Variants in MAD1L1 observed in about 807,000 individuals in gnomAD.
MAD1L1 encodes the protein mitotic arrest deficient 1 like 1, also known as mitotic spindle assembly checkpoint protein MAD1.
Under a neutral mutation model 96.9 loss-of-function variants are expected in MAD1L1, and 95 were observed. The observed-to-expected ratio is 0.98, with a 90% CI of 0.83 to 1.16. The LOEUF (loss-of-function observed/expected upper bound fraction) is 1.16, where lower values mean the gene tolerates loss of function less well. Among genes scored for constraint, MAD1L1 ranks in the 50% most tolerant of loss-of-function variants. The pLI is 0.00. For missense variants in MAD1L1, 1,007 were observed against 954.4 expected (o/e 1.06, Z -0.73); for synonymous variants, 473 against 396.6 (o/e 1.19, Z -2.29).
intron 14 of MAD1L1, among the ~76,000 whole-genome samples, chr7:2,000,467 C>G (rs1241868864): frequency 2.0e-5 from 3 of 152,220 alleles, no homozygotes; most frequent in Admixed American, 6.5e-5. Context: ...GTTGGACTAC[C>G]AACCACCGCG....
At chr7:2,051,707 C>T (rs1439597961) in intron 12 of MAD1L1, among the ~76,000 whole-genome samples, 1 of 142,238 alleles carries the variant, frequency 7.0e-6, no homozygotes, top group Non-Finnish European at 1.5e-5. Context: ...CCCAACCCCC[C>T]ACCAGCTGCG....
chr7:1,933,697 C>T (rs1193200259), intron 17 of MAD1L1, among the ~76,000 whole-genome samples: 9 of 152,250 alleles, frequency 5.9e-5, no homozygotes, highest in Non-Finnish European at 1.0e-4. Context: ...TTAAGTATCA[C>T]TGCTCCAAGA....
chr7:1,837,807 C>G (rs1241927310), intron 18 of MAD1L1, among the ~76,000 whole-genome samples: 1 of 152,220 alleles, frequency 6.6e-6, no homozygotes, highest in African/African-American at 2.4e-5. Context: ...GCAAGGCAGG[C>G]TGCACAGGGC....
chr7:2,228,368 C>T (rs958453540), intron 3 of MAD1L1, among the ~76,000 whole-genome samples: 1 of 152,018 alleles, frequency 6.6e-6, no homozygotes, highest in South Asian at 2.1e-4. Flanking sequence ...AAGCGATTCT[C>T]CTGCCTCAGC....
chr7:2,007,998 C>A (rs1782112930), intron 13 of MAD1L1, among the ~76,000 whole-genome samples: 1 of 152,228 alleles, frequency 6.6e-6, no homozygotes, highest in African/African-American at 2.4e-5. Context: ...CGTGAAGTTC[C>A]AAGAAAGCCC....
chr7:1,899,813 G>C (rs1240266320), intron 17 of MAD1L1, among the ~76,000 whole-genome samples: 1 of 152,184 alleles, frequency 6.6e-6, no homozygotes, highest in Admixed American at 6.5e-5. Context: ...AGTTTAAGGT[G>C]GACGATGCAG....
rs555998373 is a variant in MAD1L1, at chr7:1,815,846, G to T, written c.*224C>A. 1.4e-5 allele frequency: 7 copies of T among 508,718 alleles called. No homozygotes were observed. The highest frequency in any genetic ancestry group is 5.8e-5 in the South Asian group (2 of 34,674). The allele number at this position is 508,718 out of a possible 1,614,324, so 31.5% of individuals were successfully genotyped here. A position where few individuals can be genotyped will look rare whatever the true frequency, so the allele number is the denominator to read the frequency against. On this transcript the variant is annotated 3_prime_UTR_variant, in exon 19 of 19. Transcript: ENST00000265854. ...AGGTGAGGAACCCAGGCTGGTGGCC[G>T]ACGCCCACACACCAGGCTCCGGGAC...
chr7:1,906,906 G>A (rs936424867), intron 17 of MAD1L1, among the ~76,000 whole-genome samples: 11 of 152,202 alleles, frequency 7.2e-5, no homozygotes, highest in Non-Finnish European at 1.6e-4. Context: ...CCCCGAACAC[G>A]TGTGCGTCTG....
At chr7:2,205,084 C>CTTTTTTTTTT (rs56101356) in intron 10 of MAD1L1, among the ~76,000 whole-genome samples, 27 of 103,862 alleles carry the variant, frequency 2.6e-4, no homozygotes, top group Non-Finnish European at 3.5e-4. Flanking sequence ...AGGATCTTTT[C>CTTTTTTTTTT]TTTTTTTTTT....
At chr7:1,895,778 C>T (rs772191006) in intron 18 of MAD1L1, among the ~76,000 whole-genome samples, 3 of 152,248 alleles carry the variant, frequency 2.0e-5, no homozygotes, top group Non-Finnish European at 4.4e-5. Context: ...GCTTCTGACC[C>T]AGCACATCCA....
intron 18 of MAD1L1, among the ~76,000 whole-genome samples, chr7:1,819,355 C>A (rs6965428): frequency 1.3e-4 from 20 of 152,098 alleles, no homozygotes; most frequent in Admixed American, 3.9e-4. Context: ...CATAGCGGCC[C>A]TGTGGCTGGC....
chr7:2,146,291 T>A lies in MAD1L1; in HGVS notation c.1073+2861A>T, dbSNP rs574160432. Among the ~76,000 whole-genome samples, 27 of 136,800 alleles carry A rather than the reference T, an allele frequency of 2.0e-4. No individual in the cohort carries two copies. The highest frequency in any genetic ancestry group is 7.9e-4 in the African/African-American group (27 of 34,372). The allele number at this position is 136,800 out of a possible 152,430, so 89.7% of individuals were successfully genotyped here. A position where few individuals can be genotyped will look rare whatever the true frequency, so the allele number is the denominator to read the frequency against. ...TACGAGGAACAGGGTACCACCTCGA[T>A]GAGGGAGCACCGGGCACTGGGCTAC... On this transcript the variant is annotated intron_variant, in intron 11 of 18. Coordinates refer to ENST00000265854, the MANE Select transcript of MAD1L1 (RefSeq NM_001013836.2). The surrounding 1 kb of genome is among the most constrained non-coding windows in gnomAD (Gnocchi z 6.2).
At chr7:1,956,827 C>G (rs1191123234) in intron 16 of MAD1L1, among the ~76,000 whole-genome samples, 2 of 152,238 alleles carry the variant, frequency 1.3e-5, no homozygotes, top group African/African-American at 2.4e-5. Context: ...ATTCAAGCCT[C>G]AACAAGCTCC....
chr7:1,941,473 G>T (rs758509082), intron 16 of MAD1L1, among the ~76,000 whole-genome samples: 3 of 152,244 alleles, frequency 2.0e-5, no homozygotes, highest in Non-Finnish European at 4.4e-5. Context: ...AAACTGAGAA[G>T]TTCTTCTTAA....
intron 18 of MAD1L1, among the ~76,000 whole-genome samples, chr7:1,842,726 C>T (rs1233433591): frequency 6.6e-6 from 1 of 152,254 alleles, no homozygotes; most frequent in African/African-American, 2.4e-5. Context: ...CACTCCTCAC[C>T]TGGGCCCCTG....
At chr7:1,970,331 CTTTTTT>C (rs34240381) in intron 15 of MAD1L1, among the ~76,000 whole-genome samples, 21 of 116,512 alleles carry the variant, frequency 1.8e-4, no homozygotes, top group African/African-American at 6.0e-4. Context: ...TTAATTTTTA[CTTTTTT>C]TTTTTTTTTT....
intron 12 of MAD1L1, among the ~76,000 whole-genome samples, chr7:2,015,506 G>A (rs1011024224): frequency 3.7e-4 from 56 of 152,346 alleles, no homozygotes; most frequent in African/African-American, 1.2e-3. Flanking sequence ...GTGCCCATGG[G>A]TCGGGAACTG....
rs532196081 is a variant in MAD1L1 at position 2,199,864 on chromosome 7, C to T, written c.986+13348G>A. Among the ~76,000 whole-genome samples, 427 of 152,394 alleles carry T rather than the reference C, an allele frequency of 2.8e-3. 1 individual carries two copies. Among genetic ancestry groups the T allele is most frequent in the African/African-American group, 9.6e-3 (398 of 41,600 alleles). On this transcript the variant is annotated intron_variant, in intron 10 of 18. Coordinates refer to ENST00000265854, the MANE Select transcript of MAD1L1 (RefSeq NM_001013836.2). ...GCCATGCTGGCCAGCAGGGCCCACA[C>T]TCCGCACCATCCAGGTCAGCTGGAC... is the stretch of plus-strand genomic sequence containing the variant.
intron 15 of MAD1L1, among the ~76,000 whole-genome samples, chr7:1,962,828 T>G (rs1780006917): frequency 6.6e-6 from 1 of 152,168 alleles, no homozygotes; most frequent in Non-Finnish European, 1.5e-5. Flanking sequence ...ACACCTGTAG[T>G]CCCAGCTACT....
Sources: allele counts gnomAD v4.1 joint callset (sites outside exome capture counted in the v4.1 genomes callset), GRCh38; gene constraint gnomAD v4.1.1; non-coding constraint Gnocchi (gnomAD v3.1); transcripts MANE v1.5; gene names NCBI Gene and HGNC (gene_info 2026-07-23, HGNC 2026-07-21).